The following DOCK4 variants were observed in gnomAD, a reference collection of about 807,000 sequenced individuals.
DOCK4 encodes the protein dedicator of cytokinesis protein 4.
DOCK4 carries 97 observed loss-of-function variants against 268.1 expected under a neutral mutation model. The ratio of observed to expected loss-of-function variants is 0.36; its 90% CI spans 0.31 to 0.43. The LOEUF (loss-of-function observed/expected upper bound fraction) is 0.43, where lower values mean the gene tolerates loss of function less well. DOCK4 is among the 20% of genes least tolerant of loss of function. The pLI, the probability that DOCK4 is intolerant of heterozygous loss-of-function variation, is 1.00. For missense variants in DOCK4, 2,145 were observed against 2,455.7 expected, an observed-to-expected ratio of 0.87 and a Z score of 2.67; for synonymous variants, 954 against 887.2, an observed-to-expected ratio of 1.08 and a Z score of -1.34.
chr7:111,937,947 A>C (rs1321551486), intron 11 of DOCK4, among the ~76,000 whole-genome samples: 1 of 152,226 alleles, frequency 6.6e-6, no homozygotes, highest in Non-Finnish European at 1.5e-5. Flanking sequence ...TGCTTAACAC[A>C]GTTCCTCACA....
intron 15 of DOCK4, 150 bp from the exon 16 acceptor site, chr7:111,895,868 G>C: frequency 1.5e-6 from 1 of 654,858 alleles, no homozygotes; most frequent in South Asian, 2.0e-5. Context: ...CATCTATATA[G>C]AGCAGCCACC....
chr7:112,103,710 C>CCTGTTTCTTTA (rs1563087523), intron 1 of DOCK4, among the ~76,000 whole-genome samples: 2 of 152,026 alleles, frequency 1.3e-5, no homozygotes, highest in Non-Finnish European at 2.9e-5. Context: ...GGCGAAACCC[C>CCTGTTTCTTTA]GTCTTTACTA....
chr7:111,862,382 T>A (rs546190553), intron 23 of DOCK4, among the ~76,000 whole-genome samples: 1 of 145,692 alleles, frequency 6.9e-6, no homozygotes, highest in Non-Finnish European at 1.5e-5. Flanking sequence ...AATGTATGTA[T>A]AAAATATTTT....
intron 39 of DOCK4, among the ~76,000 whole-genome samples, chr7:111,764,771 G>A (rs1005106611): frequency 3.3e-5 from 5 of 151,796 alleles, no homozygotes; most frequent in Non-Finnish European, 5.9e-5. Flanking sequence ...CATTGCTTTC[G>A]ATACTCTGCA....
In DOCK4 at chr7:111,950,407, T is replaced by C. The variant is rs151231584; in HGVS notation, c.702-4609A>G. 3.3e-3 allele frequency among the ~76,000 whole-genome samples: 509 copies of C among 152,374 alleles called. 4 individuals carry two copies. The highest frequency in any genetic ancestry group is 0.011 in the African/African-American group (467 of 41,592). On this transcript the variant is annotated intron_variant, in intron 8 of 52. Coordinates refer to ENST00000428084, the MANE Select transcript of DOCK4 (RefSeq NM_001363540.2). Reference sequence around the variant, plus strand: ...AAACTTAAAAAATGTCCTTCCAAGATATGCATACCTCCATTACATACATCA... The same window carrying C: ...AAACTTAAAAAATGTCCTTCCAAGACATGCATACCTCCATTACATACATCA...
At chr7:111,989,311 G>C (rs2074129) in intron 5 of DOCK4, 148 bp from the exon 6 acceptor site, 2 of 1,008,578 alleles carry the variant, frequency 2.0e-6, no homozygotes, top group Non-Finnish European at 2.9e-6. Flanking sequence ...CAAACTGTTC[G>C]CTCACTATCC....
chr7:112,128,150 A>C (rs1424116061), intron 1 of DOCK4, among the ~76,000 whole-genome samples: 1 of 152,240 alleles, frequency 6.6e-6, no homozygotes, highest in Non-Finnish European at 1.5e-5. Context: ...GCAAGGGTAG[A>C]TTCCAGTACT....
intron 1 of DOCK4, among the ~76,000 whole-genome samples, chr7:112,112,499 C>T (rs1404617340): frequency 6.6e-6 from 1 of 152,040 alleles, no homozygotes; most frequent in East Asian, 1.9e-4. Flanking sequence ...AAAAAACTAG[C>T]CGGGTGTGGT....
chr7:112,102,650 C>A (rs1349107785), intron 1 of DOCK4, among the ~76,000 whole-genome samples: 4 of 152,276 alleles, frequency 2.6e-5, no homozygotes, highest in East Asian at 1.9e-4. Context: ...AAGGTGCCAT[C>A]TATGAACTGG....
chr7:111,901,875 A>C (rs778820660), intron 13 of DOCK4, 74 bp from the exon 14 acceptor site: 7 of 1,185,030 alleles, frequency 5.9e-6, no homozygotes, highest in African/African-American at 1.5e-5. Flanking sequence ...ATCAAGAAAA[A>C]CTTTAGTTTA....
intron 1 of DOCK4, among the ~76,000 whole-genome samples, chr7:112,121,592 T>A (rs1452734235): frequency 6.6e-6 from 1 of 152,180 alleles, no homozygotes; most frequent in Admixed American, 6.5e-5. Flanking sequence ...TCATCACCCT[T>A]GTTCAGGAAA....
At chr7:112,084,155 C>T (rs1419592451) in intron 1 of DOCK4, among the ~76,000 whole-genome samples, 1 of 152,088 alleles carries the variant, frequency 6.6e-6, no homozygotes, top group East Asian at 1.9e-4. Context: ...TGCCGTCAGG[C>T]CTGGCCCAGA....
intron 5 of DOCK4, among the ~76,000 whole-genome samples, chr7:111,992,128 G>A (rs984838984): frequency 3.9e-5 from 6 of 152,090 alleles, no homozygotes; most frequent in African/African-American, 1.4e-4. Flanking sequence ...GGTATTTTTA[G>A]AGACCATTAT....
intron 25 of DOCK4, among the ~76,000 whole-genome samples, chr7:111,839,310 G>T (rs183092414): frequency 2.6e-4 from 40 of 152,212 alleles, no homozygotes; most frequent in Non-Finnish European, 4.7e-4. Flanking sequence ...CTAGTTAGTA[G>T]AAATCCATTC....
At position 111,863,426 on chromosome 7, in the gene DOCK4, T is replaced by C. The variant is rs1805715459; in HGVS notation, c.2419A>G (p.Ile807Val). Residue 807 changes from isoleucine (I) to valine (V), a missense_variant, in exon 23 of 53, where the codon ATC (isoleucine) becomes GTC (valine). By Grantham distance (29) the Ile-to-Val change is conservative. Coordinates refer to ENST00000428084, the MANE Select transcript of DOCK4 (RefSeq NM_001363540.2). ...GTTTTGCCAATGCACTGCAGTTTGA[T>C]GGCCTGCAGGGAATCATCCACATGC... ...ILHVDDSLQAIKLQCIGKTVE... is the reference protein window; with the variant it reads ...ILHVDDSLQAVKLQCIGKTVE... 1.2e-6 allele frequency: 2 copies of C among 1,613,902 alleles called. No individual in the cohort carries two copies. Among genetic ancestry groups the C allele is most frequent in the African/African-American group, 1.3e-5 (1 of 74,932 alleles).
intron 13 of DOCK4, among the ~76,000 whole-genome samples, chr7:111,906,869 G>A (rs557877155): frequency 2.9e-4 from 44 of 152,284 alleles, no homozygotes; most frequent in African/African-American, 9.4e-4. Flanking sequence ...CAGAAGAAAT[G>A]CAGCCCTGAT....
Position 111,900,396 on chromosome 7 carries a change from G to C in DOCK4, c.1458C>G (p.Arg486=). The C allele has an allele frequency of 3.1e-6, 5 of 1,613,376 alleles. No individual in the cohort carries two copies. The highest frequency in any genetic ancestry group is 4.2e-6 in the Non-Finnish European group (5 of 1,179,684). The change falls in exon 15 of 53, where the codon CGC becomes CGG. Residue 486 remains arginine (R), a synonymous_variant. Coordinates refer to ENST00000428084, the MANE Select transcript of DOCK4 (RefSeq NM_001363540.2). Reference sequence around the variant, plus strand: ...TACTGGAACAATGCCGAAACTCGAAGCGGATGTGTGCACCCCGGAATTTAT... The same window carrying C: ...TACTGGAACAATGCCGAAACTCGAACCGGATGTGTGCACCCCGGAATTTAT... ...PVDKFRGAHI[R]FEFRHCSTKE... is the part of the protein sequence containing the mutation.
intron 1 of DOCK4, among the ~76,000 whole-genome samples, chr7:112,124,158 G>A (rs901358423): frequency 6.6e-5 from 10 of 151,990 alleles, no homozygotes; most frequent in Admixed American, 5.9e-4. Flanking sequence ...CCAAATAGCT[G>A]GGACTACAAT....
chr7:112,125,521 CG>C (rs569121393), intron 1 of DOCK4, among the ~76,000 whole-genome samples: 12 of 152,196 alleles, frequency 7.9e-5, no homozygotes, highest in Admixed American at 7.9e-4. Context: ...ATGCAGAGAA[CG>C]GCCTTTGAAG....
Sources: allele counts gnomAD v4.1 joint callset (sites outside exome capture counted in the v4.1 genomes callset), GRCh38; gene constraint gnomAD v4.1.1; transcripts MANE v1.5; gene names NCBI Gene and HGNC (gene_info 2026-07-23, HGNC 2026-07-21).